Variants in CD163L1 observed in about 807,000 individuals in gnomAD.
The protein encoded by CD163L1 is CD163 molecule like 1, also known as scavenger receptor cysteine-rich type 1 protein M160.
Under a neutral mutation model 165.4 loss-of-function variants are expected in CD163L1, and 124 were observed. That is an observed-to-expected ratio of 0.75 (90% CI 0.65 to 0.87). CD163L1 has a LOEUF of 0.87. Among genes scored for constraint, CD163L1 ranks in the 40% least tolerant of loss-of-function variants. CD163L1 has a pLI of 0.00. For missense variants in CD163L1, 1,525 were observed against 1,799.9 expected, an observed-to-expected ratio of 0.85 and a Z score of 2.76; for synonymous variants, 585 against 662.2, an observed-to-expected ratio of 0.88 and a Z score of 1.79.
At chr12:7,386,798 C>A (rs1252976684) in intron 8 of CD163L1, among the ~76,000 whole-genome samples, 1 of 152,092 alleles carries the variant, frequency 6.6e-6, no homozygotes, top group Non-Finnish European at 1.5e-5. Context: ...AAACTCTCAA[C>A]AAACTAGGCA....
At chr12:7,348,692 G>A (rs1004879375) in intron 4 of CD163L1, among the ~76,000 whole-genome samples, 1 of 152,024 alleles carries the variant, frequency 6.6e-6, no homozygotes, top group Non-Finnish European at 1.5e-5. Flanking sequence ...TTCATGTGAA[G>A]TAAAATACAT....
chr12:7,413,236 A>T (rs1948173429), intron 4 of CD163L1, among the ~76,000 whole-genome samples: 1 of 151,524 alleles, frequency 6.6e-6, no homozygotes. Flanking sequence ...GCCAAGAGAG[A>T]CTCCCTTAGT....
In CD163L1 at chr12:7,433,365, G is replaced by A. The variant is rs573987396; in HGVS notation, c.445+9C>T. 1.9e-6 allele frequency: 3 copies of A among 1,572,684 alleles called. No individual in the cohort carries two copies. Among genetic ancestry groups the A allele is most frequent in the Non-Finnish European group, 2.6e-6 (3 of 1,157,828 alleles). ...TTACCTTGCCTTCCTACTCTAGTTA[G>A]ACTCTTACCATAACAGTTCACACCA... On this transcript the variant is annotated intron_variant, in intron 3 of 19. Coordinates refer to ENST00000313599, the MANE Select transcript of CD163L1 (RefSeq NM_174941.6).
At chr12:7,421,810 A>T (rs1034207077) in intron 4 of CD163L1, among the ~76,000 whole-genome samples, 2 of 150,770 alleles carry the variant, frequency 1.3e-5, no homozygotes, top group Non-Finnish European at 3.0e-5. Context: ...TGGAAAACCA[A>T]ACACCATATG....
intron 18 of CD163L1, chr12:7,357,699 T>C (rs752579607): frequency 1.0e-4 from 35 of 335,572 alleles, no homozygotes; most frequent in African/African-American, 6.3e-4. Context: ...AAACAAATAA[T>C]ACAACTTTTT....
intron 2 of CD163L1, chr12:7,439,924 T>TCA (rs1948794972): frequency 1.3e-6 from 2 of 1,596,540 alleles, no homozygotes; most frequent in Non-Finnish European, 1.7e-6. Flanking sequence ...GGCCAACTCC[T>TCA]CAGTGCTGTC....
rs58195891 is a variant in CD163L1 at position 7,432,651 on chromosome 12, T to C, written c.531A>G (p.Gly177=). The part of the protein sequence containing the change: ...RVEVKFQERW[G]TICDDGWNLN... ...AGTTCCACCCATCATCACATATAGTTCCCCACCTTTCTTGGAATTTCACCT... is the reference window on the plus strand; with the variant it reads ...AGTTCCACCCATCATCACATATAGTCCCCCACCTTTCTTGGAATTTCACCT... Residue 177 remains glycine (G), a synonymous_variant, in exon 4 of 20, where the codon GGA becomes GGG. Coordinates refer to ENST00000313599, the MANE Select transcript of CD163L1 (RefSeq NM_174941.6). This position sits in a 1 kb window ranked among gnomAD's most constrained non-coding sequence, Gnocchi z 4.2. The C allele has an allele frequency of 0.36, 588,874 of 1,613,602 alleles. 122,933 individuals are homozygous for C. Among genetic ancestry groups the C allele is most frequent in the African/African-American group, 0.81 (60,456 of 74,874 alleles).
chr12:7,441,043 C>G (rs1002136313), intron 2 of CD163L1, 111 bp downstream of exon 2: 3 of 743,122 alleles, frequency 4.0e-6, no homozygotes, highest in East Asian at 2.5e-5. Flanking sequence ...GAAGGTCCAA[C>G]ATTATTTTTA....
rs770845344 is a variant in CD163L1, at chr12:7,435,346, T to C, written c.125-1652A>G. ...ATATTAGCAACATATATTATGACTA[T>C]GGACTAGTATCTAGATTATATTTTT... On this transcript the variant is annotated intron_variant, in intron 2 of 19. Coordinates refer to ENST00000313599, the MANE Select transcript of CD163L1 (RefSeq NM_174941.6). Among the ~76,000 whole-genome samples, 31 of 151,850 alleles carry C rather than the reference T, an allele frequency of 2.0e-4. No homozygotes were observed. The East Asian group carries it at 5.6e-3, about 27-fold the overall frequency.
rs896877389 is a variant in CD163L1, at chr12:7,372,993, T to A, written c.3730+327A>T. Among the ~76,000 whole-genome samples, 2 of 152,194 alleles carry A rather than the reference T, an allele frequency of 1.3e-5. No homozygotes were observed. Among genetic ancestry groups the A allele is most frequent in the Non-Finnish European group, 2.9e-5 (2 of 68,020 alleles). ...CTCAAAAGTTCTGAGCTTTCTAGAA[T>A]TTCTAAGACAGTATACATATTATAT... On this transcript the variant is annotated intron_variant, in intron 14 of 19. Coordinates refer to ENST00000313599, the MANE Select transcript of CD163L1 (RefSeq NM_174941.6). The surrounding 1 kb of genome is among the most constrained non-coding windows in gnomAD (Gnocchi z 4.2).
At position 7,363,926 on chromosome 12, in the gene CD163L1, A is replaced by G. The variant is rs149500359; in HGVS notation, c.4279+3310T>C. Among the ~76,000 whole-genome samples the G allele has an allele frequency of 3.9e-4, 59 of 152,200 alleles. 2 individuals carry two copies. The South Asian group carries it at 9.3e-3, about 24-fold the overall frequency. On this transcript the variant is annotated intron_variant, in intron 18 of 19. Coordinates refer to ENST00000313599, the MANE Select transcript of CD163L1 (RefSeq NM_174941.6). ...AAATTGAAGAGGAGAGAACACTTCT[A>G]AACTCATTTTATAGGGCCAGCATTA...
Position 7,367,299 on chromosome 12 carries a change from TCTC to T in CD163L1, c.4213_4215del (p.Glu1405del). 6.2e-7 allele frequency: 1 copy of T among 1,613,260 alleles called. No homozygotes were observed. The highest frequency in any genetic ancestry group is 8.5e-7 in the Non-Finnish European group (1 of 1,179,394). On this transcript the variant is annotated inframe_deletion, in exon 18 of 20. Transcript: ENST00000313599. Reference sequence around the variant, plus strand: ...CAGGTCTCCATCTCATGGAATAAATTCTCCTCGAGAGAACCCCTCCTTCTGGTT... The same window carrying T: ...CAGGTCTCCATCTCATGGAATAAATTCTCGAGAGAACCCCTCCTTCTGGTT...
At chr12:7,324,198 C>A in the CD163L1 span, 1 of 1,542,416 alleles carries the variant, frequency 6.5e-7, no homozygotes, top group Non-Finnish European at 8.8e-7. Flanking sequence ...GTGTAATGTA[C>A]TAGTCACTTA....
rs1947063961 is a variant in CD163L1, at chr12:7,368,251, G to T, written c.4073-54C>A. On this transcript the variant is annotated intron_variant, in intron 16 of 19. Coordinates refer to ENST00000313599, the MANE Select transcript of CD163L1 (RefSeq NM_174941.6). The surrounding 1 kb of genome is among the most constrained non-coding windows in gnomAD (Gnocchi z 4.3). ...TTAAACTAGTAGATATCAATTGTGG[G>T]TTTATACATTGTAAAAAAAACTGGT... 1 of 992,710 alleles carries T rather than the reference G, an allele frequency of 1.0e-6. No homozygotes were observed. The highest frequency in any genetic ancestry group is 1.5e-5 in the South Asian group (1 of 68,148). 61.5% of individuals were successfully genotyped at this position (992,710 alleles called of 1,614,324 possible). A position where few individuals can be genotyped will look rare whatever the true frequency, so the allele number is the denominator to read the frequency against.
In CD163L1 at chr12:7,363,043, G is replaced by A. The variant is rs536768172; in HGVS notation, c.4279+4193C>T. ...TACAGCAAAAAACAAAAATATACACGAAATAACAGTACTAAGAGGGACGTT... is the reference window on the plus strand; with the variant it reads ...TACAGCAAAAAACAAAAATATACACAAAATAACAGTACTAAGAGGGACGTT... On this transcript the variant is annotated intron_variant, in intron 18 of 19. Transcript: ENST00000313599. Among the ~76,000 whole-genome samples the A allele has an allele frequency of 4.5e-4, 69 of 151,810 alleles. No homozygotes were observed. The South Asian group carries it at 0.014, about 30-fold the overall frequency.
chr12:7,395,585 A>G (rs907356041), intron 8 of CD163L1, among the ~76,000 whole-genome samples: 3 of 152,196 alleles, frequency 2.0e-5, no homozygotes, highest in Non-Finnish European at 2.9e-5. Context: ...CTAGAACTTA[A>G]AGTATAATAA....
intron 18 of CD163L1, 34 bp downstream of exon 18, chr12:7,367,202 C>T (rs1947041399): frequency 7.4e-7 from 1 of 1,354,574 alleles, no homozygotes; most frequent in African/African-American, 1.4e-5. Context: ...TTCCCACCCT[C>T]TCCATGGAGT....
chr12:7,379,007 A>G lies in CD163L1; in HGVS notation c.2342T>C (p.Leu781Ser), dbSNP rs1250024181. The change falls in exon 9 of 20, where the codon TTA becomes TCA. Residue 781 changes from leucine (L) to serine (S), a missense_variant. Leu to Ser is a moderately radical substitution (Grantham distance 145, BLOSUM62 -2). Transcript: ENST00000313599. ...GCAGATCAAACTTGCTTCCATATTT[A>G]AATGACACGCAGTCTGTTTCCACTC... ...RWEWKQTACH[L>S]NMEASLICSA... 4 of 1,607,738 alleles carry G rather than the reference A, an allele frequency of 2.5e-6. No homozygotes were observed. The Admixed American group carries it at 6.7e-5, about 27-fold the overall frequency.
At chr12:7,350,962 C>G (rs1359510211), downstream of CD163L1, among the ~76,000 whole-genome samples, 1 of 151,942 alleles carries the variant, frequency 6.6e-6, no homozygotes, top group African/African-American at 2.4e-5. Context: ...AATTATCAAA[C>G]AAAAATATAA....
Sources: gnomAD v4.1 joint callset for allele counts (sites outside exome capture counted in the v4.1 genomes callset) on GRCh38, gnomAD v4.1.1 for gene constraint, Gnocchi (gnomAD v3.1) non-coding constraint, MANE v1.5 for transcripts, NCBI Gene and HGNC (gene_info 2026-07-23, HGNC 2026-07-21) for gene names.